The following CYTH1 variants were observed in gnomAD, a reference collection of about 807,000 sequenced individuals.
The protein encoded by CYTH1 is cytohesin-1.
In CYTH1, 18 loss-of-function variants were observed where a neutral mutation model predicts 61.8. That is an observed-to-expected ratio of 0.29 (90% CI 0.20 to 0.43). CYTH1 has a LOEUF of 0.43. Ranked by LOEUF, CYTH1 falls within the 20% of genes least tolerant of loss-of-function variation. CYTH1 has a pLI of 1.00. For missense variants in CYTH1, 336 were observed against 510.5 expected (o/e 0.66, Z 3.29); for synonymous variants, 174 against 184.3 (o/e 0.94, Z 0.45).
chr17:78,773,992 G>GC (rs2144764569), intron 1 of CYTH1, among the ~76,000 whole-genome samples: 1 of 152,202 alleles, frequency 6.6e-6, no homozygotes, highest in Non-Finnish European at 1.5e-5. Context: ...TTTCAATCCA[G>GC]CTAGTGATCA....
At chr17:78,732,197 T>C (rs767869317) in intron 1 of CYTH1, among the ~76,000 whole-genome samples, 9 of 152,216 alleles carry the variant, frequency 5.9e-5, no homozygotes, top group Non-Finnish European at 1.3e-4. Flanking sequence ...AGACCTAAGA[T>C]ACCTGCCTTT....
intron 1 of CYTH1, among the ~76,000 whole-genome samples, chr17:78,778,865 A>G (rs546020426): frequency 1.3e-5 from 2 of 152,326 alleles, no homozygotes; most frequent in African/African-American, 4.8e-5. Context: ...TATATGCTTT[A>G]TGAATCCATC....
chr17:78,681,281 G>A (rs1287904764), intron 11 of CYTH1, among the ~76,000 whole-genome samples: 5 of 152,146 alleles, frequency 3.3e-5, no homozygotes, highest in African/African-American at 4.8e-5. Context: ...AACAGACACC[G>A]TGAGAGTGTG....
At chr17:78,706,544 C>T (rs1476475317) in intron 3 of CYTH1, among the ~76,000 whole-genome samples, 1 of 152,218 alleles carries the variant, frequency 6.6e-6, no homozygotes, top group Non-Finnish European at 1.5e-5. Context: ...GGCAGCCATT[C>T]AGGGTATTTC....
At chr17:78,748,244 A>T (rs2093366689) in intron 1 of CYTH1, among the ~76,000 whole-genome samples, 1 of 152,188 alleles carries the variant, frequency 6.6e-6, no homozygotes, top group South Asian at 2.1e-4. Context: ...TATCATCAAA[A>T]ATGAAAACTC....
chr17:78,716,195 A>G (rs2093179039), intron 1 of CYTH1, among the ~76,000 whole-genome samples: 1 of 152,188 alleles, frequency 6.6e-6, no homozygotes, highest in Non-Finnish European at 1.5e-5. Flanking sequence ...CCAATTTAAG[A>G]ACTTGGCAGC....
chr17:78,773,357 C>T (rs561749723), intron 1 of CYTH1, among the ~76,000 whole-genome samples: 1 of 151,974 alleles, frequency 6.6e-6, no homozygotes, highest in Non-Finnish European at 1.5e-5. Flanking sequence ...TGGCCAGGAG[C>T]GGTGGCTCAC....
chr17:78,765,687 C>T (rs2093445660), intron 1 of CYTH1, among the ~76,000 whole-genome samples: 1 of 152,146 alleles, frequency 6.6e-6, no homozygotes. Flanking sequence ...CCCAGATGGT[C>T]CCCCAGAAGA....
At chr17:78,744,602 A>G (rs970641522) in intron 1 of CYTH1, among the ~76,000 whole-genome samples, 3 of 152,208 alleles carry the variant, frequency 2.0e-5, no homozygotes, top group Admixed American at 6.5e-5. Flanking sequence ...GAGGTATACT[A>G]TTTTTGTGTA....
chr17:78,719,510 CT>C (rs993616998), intron 1 of CYTH1, among the ~76,000 whole-genome samples: 2 of 152,248 alleles, frequency 1.3e-5, no homozygotes, highest in African/African-American at 4.8e-5. Context: ...TTTAGGGGAA[CT>C]TTTTTCCCCT....
At chr17:78,710,375 C>T (rs932420826) in intron 1 of CYTH1, among the ~76,000 whole-genome samples, 11 of 152,208 alleles carry the variant, frequency 7.2e-5, no homozygotes, top group South Asian at 4.1e-4. Flanking sequence ...ACAATGTGCT[C>T]TTATCATCAG....
chr17:78,732,958 G>C (rs374761143), intron 1 of CYTH1, among the ~76,000 whole-genome samples: 1 of 151,762 alleles, frequency 6.6e-6, no homozygotes, highest in Non-Finnish European at 1.5e-5. Context: ...GTGGTGGTAC[G>C]TTCCTGTAGT....
intron 1 of CYTH1, among the ~76,000 whole-genome samples, chr17:78,768,876 CG>C (rs1447229239): frequency 2.0e-5 from 3 of 152,112 alleles, no homozygotes; most frequent in Non-Finnish European, 4.4e-5. Flanking sequence ...AAAAAAAGAA[CG>C]GGCGCAGTGC....
intron 1 of CYTH1, among the ~76,000 whole-genome samples, chr17:78,750,683 G>A (rs887802438): frequency 6.6e-6 from 1 of 151,726 alleles, no homozygotes; most frequent in Non-Finnish European, 1.5e-5. Context: ...GTGGGCGCCT[G>A]TAATCCCAGC....
chr17:78,757,537 A>G (rs2093406593), intron 1 of CYTH1, among the ~76,000 whole-genome samples: 1 of 152,174 alleles, frequency 6.6e-6, no homozygotes, highest in South Asian at 2.1e-4. Context: ...TCCCATTCTA[A>G]TACATGTAAA....
chr17:78,682,582 TG>T (rs1461349131), intron 11 of CYTH1, among the ~76,000 whole-genome samples: 2 of 151,822 alleles, frequency 1.3e-5, no homozygotes, highest in African/African-American at 4.8e-5. Flanking sequence ...AAAGGGTGTG[TG>T]GGTGGTAACA....
chr17:78,679,989 G>A (rs1031943520), intron 13 of CYTH1, among the ~76,000 whole-genome samples: 12 of 152,290 alleles, frequency 7.9e-5, no homozygotes, highest in South Asian at 2.1e-4. Flanking sequence ...CAGATGGGAC[G>A]TGCTCTCTTA....
intron 11 of CYTH1, 25 bp from the exon 12 acceptor site, chr17:78,681,067 G>A (rs1272891047): frequency 6.2e-7 from 1 of 1,608,758 alleles, no homozygotes; most frequent in South Asian, 1.1e-5. Context: ...AAGAGAGGAA[G>A]TTTAAGATCA....
At chr17:78,732,944 G>A (rs1213418439) in intron 1 of CYTH1, among the ~76,000 whole-genome samples, 8 of 151,874 alleles carry the variant, frequency 5.3e-5, no homozygotes, top group African/African-American at 1.2e-4. Context: ...AAAATTAGCC[G>A]GGCGTGGTGG....
Sources: allele counts gnomAD v4.1 joint callset (sites outside exome capture counted in the v4.1 genomes callset), GRCh38; gene constraint gnomAD v4.1.1; transcripts MANE v1.5; gene names NCBI Gene and HGNC (gene_info 2026-07-23, HGNC 2026-07-21).